Variants in PIGK observed in about 807,000 individuals in gnomAD.
The protein encoded by PIGK is GPI-anchor transamidase.
Under a neutral mutation model 50.6 loss-of-function variants are expected in PIGK, and 42 were observed. That is an observed-to-expected ratio of 0.83 (90% CI 0.65 to 1.07). The LOEUF (loss-of-function observed/expected upper bound fraction) is 1.07. Among genes scored for constraint, PIGK ranks in the 50% least tolerant of loss-of-function variants. The pLI is 0.00. For synonymous variants in PIGK, 151 were observed against 156.0 expected, an observed-to-expected ratio of 0.97 and a Z score of 0.24; for missense variants, 448 against 488.7, an observed-to-expected ratio of 0.92 and a Z score of 0.78.
At chr1:77,122,554 A>C (rs1654126703) in intron 9 of PIGK, among the ~76,000 whole-genome samples, 195 bp from the exon 10 acceptor site, 1 of 152,218 alleles carries the variant, frequency 6.6e-6, no homozygotes, top group Admixed American at 6.5e-5. Flanking sequence ...GACTACATTA[A>C]GTAACTATGC....
intron 2 of PIGK, 23 bp from the exon 3 acceptor site, chr1:77,206,754 G>T: frequency 7.3e-7 from 1 of 1,375,224 alleles, no homozygotes; most frequent in Non-Finnish European, 1.0e-6. Context: ...AACAAAAACA[G>T]AATTTTTATG....
chr1:77,095,390 C>G (rs1653385428), intron 10 of PIGK, among the ~76,000 whole-genome samples: 1 of 152,198 alleles, frequency 6.6e-6, no homozygotes. Context: ...CACAATACTT[C>G]TGCAGCTGAG....
chr1:77,178,357 G>A lies in PIGK; in HGVS notation c.240-8962C>T, dbSNP rs552737762. On this transcript the variant is annotated intron_variant, in intron 3 of 10. Transcript: ENST00000370812. ...TTTTTCCATGGTTTGGAGTAAAAAC[G>A]GCAATGATTAGAAGTGTATCCTTAA... Among the ~76,000 whole-genome samples, 17 of 152,242 alleles carry A rather than the reference G, an allele frequency of 1.1e-4. No individual in the cohort carries two copies. In the South Asian group the frequency reaches 2.1e-3, roughly 19 times the overall value.
chr1:77,141,294 G>C (rs189533821), intron 9 of PIGK, among the ~76,000 whole-genome samples: 242 of 152,114 alleles, frequency 1.6e-3, no homozygotes, highest in African/African-American at 5.5e-3. Flanking sequence ...CATATCCTAA[G>C]AACTCTTATA....
At chr1:77,193,785 G>C (rs1380012073) in intron 3 of PIGK, among the ~76,000 whole-genome samples, 1 of 152,146 alleles carries the variant, frequency 6.6e-6, no homozygotes, top group Non-Finnish European at 1.5e-5. Flanking sequence ...CCCTGGCAAA[G>C]ATTTCATGAC....
chr1:77,217,287 C>G (rs1656590352), intron 1 of PIGK, among the ~76,000 whole-genome samples: 1 of 152,040 alleles, frequency 6.6e-6, no homozygotes, highest in African/African-American at 2.4e-5. Flanking sequence ...CTGACCTGGT[C>G]AGGAAAGTTT....
chr1:77,136,152 TA>T (rs1248002163), intron 9 of PIGK, among the ~76,000 whole-genome samples: 4 of 152,204 alleles, frequency 2.6e-5, no homozygotes, highest in Non-Finnish European at 5.9e-5. Flanking sequence ...TTAGCCAGCT[TA>T]AATTCTAAGC....
chr1:77,122,511 T>C lies in PIGK; in HGVS notation c.987-152A>G, dbSNP rs535013455. The C allele has an allele frequency of 1.3e-3, 733 of 570,752 alleles. 1 individual carries two copies. Among genetic ancestry groups the C allele is most frequent in the Non-Finnish European group, 1.8e-3 (580 of 322,966 alleles). 35.4% of individuals were successfully genotyped at this position (570,752 alleles called of 1,614,324 possible). ...ATCAATAATCTTTGAAACACTACCA[T>C]TGAAAAATTTTAAATGACTATAGAA... On this transcript the variant is annotated intron_variant, in intron 9 of 10. Coordinates refer to ENST00000370812, the MANE Select transcript of PIGK (RefSeq NM_005482.3).
intron 8 of PIGK, among the ~76,000 whole-genome samples, chr1:77,160,435 A>T (rs1655107051): frequency 6.6e-6 from 1 of 152,192 alleles, no homozygotes; most frequent in Non-Finnish European, 1.5e-5. Flanking sequence ...AGATCAATGC[A>T]AAGCTGCTTG....
intron 10 of PIGK, among the ~76,000 whole-genome samples, chr1:77,098,647 AT>A (rs971886537): frequency 6.6e-5 from 10 of 152,138 alleles, no homozygotes; most frequent in African/African-American, 2.4e-4. Context: ...CTGCAAAGGT[AT>A]TTTTACAAAA....
At chr1:77,162,800 G>A (rs1655158181) in intron 6 of PIGK, among the ~76,000 whole-genome samples, 1 of 152,110 alleles carries the variant, frequency 6.6e-6, no homozygotes, top group East Asian at 1.9e-4. Context: ...TTGTTCTGTG[G>A]CAAAATATGT....
rs571619191 is a variant in PIGK, at chr1:77,139,866, T to C, written c.986+14583A>G. Among the ~76,000 whole-genome samples the C allele has an allele frequency of 3.3e-5, 5 of 152,334 alleles. No individual in the cohort carries two copies. In the East Asian group the frequency reaches 7.7e-4, roughly 23 times the overall value. On this transcript the variant is annotated intron_variant, in intron 9 of 10. Coordinates refer to ENST00000370812, the MANE Select transcript of PIGK (RefSeq NM_005482.3). ...GTGAAGTCAATTGATTATTCTTTAT[T>C]ATTAACTTCAAACCATCCCTCTAAA...
At chr1:77,147,273 G>A (rs562697895) in intron 9 of PIGK, among the ~76,000 whole-genome samples, 1 of 151,864 alleles carries the variant, frequency 6.6e-6, no homozygotes, top group Non-Finnish European at 1.5e-5. Context: ...TCTCCCACCG[G>A]GTCCCTCCCA....
At chr1:77,124,551 G>C (rs2100529961) in intron 9 of PIGK, among the ~76,000 whole-genome samples, 1 of 151,886 alleles carries the variant, frequency 6.6e-6, no homozygotes, top group Non-Finnish European at 1.5e-5. Context: ...GGAGGTTGCA[G>C]TGAGCCAAGA....
At chr1:77,150,849 T>C (rs949467704) in intron 9 of PIGK, among the ~76,000 whole-genome samples, 4 of 152,008 alleles carry the variant, frequency 2.6e-5, no homozygotes, top group African/African-American at 9.7e-5. Flanking sequence ...ATCAAAATAG[T>C]AGTAAAAAAT....
intron 3 of PIGK, among the ~76,000 whole-genome samples, chr1:77,198,805 T>C (rs1656091596): frequency 6.6e-6 from 1 of 152,050 alleles, no homozygotes; most frequent in Non-Finnish European, 1.5e-5. Flanking sequence ...CCCTTCTCTC[T>C]AAATTAATCT....
chr1:77,197,598 A>T (rs999415798), intron 3 of PIGK, among the ~76,000 whole-genome samples: 4 of 152,166 alleles, frequency 2.6e-5, no homozygotes, highest in Non-Finnish European at 4.4e-5. Context: ...TATGCTTTGT[A>T]TTACTTCTTT....
At chr1:77,133,809 A>G (rs1315833412) in intron 9 of PIGK, among the ~76,000 whole-genome samples, 2 of 152,196 alleles carry the variant, frequency 1.3e-5, no homozygotes, top group African/African-American at 4.8e-5. Flanking sequence ...CAACACAGAG[A>G]GAGTAAGACT....
chr1:77,163,783 C>A, intron 6 of PIGK, 63 bp downstream of exon 6: 2 of 864,770 alleles, frequency 2.3e-6, no homozygotes, highest in South Asian at 1.6e-5. Context: ...AATTACAAAT[C>A]TACGAACCAT....
Sources: gnomAD v4.1 joint callset for allele counts (sites outside exome capture counted in the v4.1 genomes callset) on GRCh38, gnomAD v4.1.1 for gene constraint, MANE v1.5 for transcripts, NCBI Gene and HGNC (gene_info 2026-07-23, HGNC 2026-07-21) for gene names.